Variants in SLC45A4 observed in about 807,000 individuals in gnomAD.
SLC45A4 encodes the protein polyamine-transporter SLC45A4.
Under a neutral mutation model 63.7 loss-of-function variants are expected in SLC45A4, and 32 were observed. That is an observed-to-expected ratio of 0.50 (90% confidence interval 0.38 to 0.67). SLC45A4 has a LOEUF of 0.67. Among genes scored for constraint, SLC45A4 ranks in the 30% least tolerant of loss-of-function variants. The probability of loss-of-function intolerance (pLI) is 0.00; values close to 1 mark genes in which losing one functional copy is unlikely to be tolerated. For missense variants in SLC45A4, 1,027 were observed against 1,157.7 expected, an observed-to-expected ratio of 0.89 and a Z score of 1.64; for synonymous variants, 535 against 510.0, an observed-to-expected ratio of 1.05 and a Z score of -0.66.
intron 1 of SLC45A4, among the ~76,000 whole-genome samples, chr8:141,263,489 C>T (rs1034506930): frequency 3.4e-4 from 51 of 151,658 alleles, no homozygotes; most frequent in Non-Finnish European, 5.7e-4. Context: ...GGGTCATGGC[C>T]GGGCGCAGTG....
At chr8:141,301,763 T>A (rs1206023159) in intron 1 of SLC45A4, among the ~76,000 whole-genome samples, 146 of 48,160 alleles carry the variant, frequency 3.0e-3, no homozygotes, top group Non-Finnish European at 4.0e-3. Flanking sequence ...AAAAAAAAAA[T>A]CCTGGGCAAC....
intron 1 of SLC45A4, among the ~76,000 whole-genome samples, chr8:141,293,925 T>TCTA (rs949900661): frequency 6.7e-6 from 1 of 148,950 alleles, no homozygotes; most frequent in African/African-American, 2.5e-5. Flanking sequence ...AGAGCGAGAC[T>TCTA]CTATCTCAAG....
At chr8:141,222,447 G>A (rs537728003) in intron 2 of SLC45A4, among the ~76,000 whole-genome samples, 5 of 152,302 alleles carry the variant, frequency 3.3e-5, no homozygotes, top group African/African-American at 1.2e-4. Flanking sequence ...ACCACCCAGG[G>A]AGGTAGGAAA....
chr8:141,215,893 C>T lies in SLC45A4; in HGVS notation c.1807G>A (p.Val603Ile), dbSNP rs772947728. The T allele has an allele frequency of 6.2e-7, 1 of 1,614,026 alleles. No homozygotes were observed. The highest frequency in any genetic ancestry group is 1.3e-5 in the African/African-American group (1 of 74,920). The change falls in exon 7 of 9, where the codon GTC becomes ATC. Residue 603 changes from valine to isoleucine, a missense_variant. Physicochemically the swap from Val to Ile is conservative, Grantham distance 29. Coordinates refer to ENST00000517878, the MANE Select transcript of SLC45A4 (RefSeq NM_001286646.2). This position sits in a 1 kb window ranked among gnomAD's most constrained non-coding sequence, Gnocchi z 4.3. Reference protein sequence around the residue: ...IYVLGTLGFSVGTAVMAMFPN... With the variant: ...IYVLGTLGFSIGTAVMAMFPN... ...AACATGGCCATCACGGCTGTGCCGACAGAGAAGCCCAGCGTCCCCAGCACG... is the reference window on the plus strand; with the variant it reads ...AACATGGCCATCACGGCTGTGCCGATAGAGAAGCCCAGCGTCCCCAGCACG...
rs746968778 is a variant in SLC45A4, at chr8:141,218,750, T to C, written c.890A>G (p.Tyr297Cys). ...GCTGCGCATGATGTCCACGTCCGGG[T>C]AGTCCAGGGCCAGCTCGTGCTCCGA... ...VQSEHELALDYPDVDIMRSKS... is the reference protein window; with the variant it reads ...VQSEHELALDCPDVDIMRSKS... The change falls in exon 5 of 9, where the codon TAC becomes TGC. Residue 297 changes from tyrosine to cysteine, a missense_variant. By Grantham distance (194) the Tyr-to-Cys change is radical. Transcript: ENST00000517878. The C allele has an allele frequency of 1.2e-6, 2 of 1,612,208 alleles. No homozygotes were observed. Among genetic ancestry groups the C allele is most frequent in the African/African-American group, 2.7e-5 (2 of 74,844 alleles).
At position 141,256,595 on chromosome 8, in the gene SLC45A4, TCC is replaced by T. The variant is rs1828797615; in HGVS notation, c.-400-1968_-400-1967del. ...GGAAGCCGTGCGCCTGGCTCTTACG[TCC>T]CAGCTCTTCCCTACATCTTCTTTCA... is the stretch of plus-strand genomic sequence containing the variant. On this transcript the variant is annotated intron_variant, in intron 1 of 8. Transcript: ENST00000517878. This position sits in a 1 kb window ranked among gnomAD's most constrained non-coding sequence, Gnocchi z 4.3. 2.2e-6 allele frequency: 1 copy of T among 456,128 alleles called. No homozygotes were observed. Among genetic ancestry groups the T allele is most frequent in the Non-Finnish European group, 4.4e-6 (1 of 226,954 alleles). The allele number at this position is 456,128 out of a possible 1,614,324, so 28.3% of individuals were successfully genotyped here.
At chr8:141,267,869 T>TA (rs1472465732) in intron 1 of SLC45A4, among the ~76,000 whole-genome samples, 1 of 151,734 alleles carries the variant, frequency 6.6e-6, no homozygotes, top group East Asian at 1.9e-4. Context: ...GGCAGAAATG[T>TA]AAAATGCAGC....
chr8:141,250,870 T>A (rs556232797), intron 2 of SLC45A4, among the ~76,000 whole-genome samples: 8 of 152,234 alleles, frequency 5.3e-5, no homozygotes, highest in African/African-American at 1.9e-4. Context: ...ACAAGTCTTA[T>A]GTAATAAATA....
chr8:141,268,153 G>A (rs934187188), intron 1 of SLC45A4, among the ~76,000 whole-genome samples: 1 of 152,222 alleles, frequency 6.6e-6, no homozygotes, highest in Non-Finnish European at 1.5e-5. Flanking sequence ...CTGACGCCAT[G>A]CACGAAAAGA....
At chr8:141,305,347 C>T (rs1336334046) in intron 1 of SLC45A4, among the ~76,000 whole-genome samples, 3 of 152,196 alleles carry the variant, frequency 2.0e-5, no homozygotes, top group Non-Finnish European at 2.9e-5. Flanking sequence ...GGCTGCTCTT[C>T]GGCTGGGAGG....
chr8:141,281,076 T>A (rs1485345702), intron 1 of SLC45A4, among the ~76,000 whole-genome samples: 1 of 152,238 alleles, frequency 6.6e-6, no homozygotes, highest in African/African-American at 2.4e-5. Flanking sequence ...TGGTGGCTCA[T>A]GCCTGTAATC....
chr8:141,211,981 T>C, intron 8 of SLC45A4: 1 of 1,288,724 alleles, frequency 7.8e-7, no homozygotes, highest in Non-Finnish European at 9.8e-7. Flanking sequence ...ATCGAAAAAG[T>C]GGTTAGTGTG....
chr8:141,292,300 C>CTG (rs1385807555), intron 1 of SLC45A4, among the ~76,000 whole-genome samples: 56 of 152,252 alleles, frequency 3.7e-4, no homozygotes, highest in Non-Finnish European at 7.6e-4. Context: ...ACGTGGCACA[C>CTG]TGGGCCCACT....
At chr8:141,233,175 C>T (rs1162962798) in intron 2 of SLC45A4, among the ~76,000 whole-genome samples, 1 of 152,204 alleles carries the variant, frequency 6.6e-6, no homozygotes, top group Non-Finnish European at 1.5e-5. Context: ...AAAATTTAAG[C>T]TGGCTCTCAG....
chr8:141,293,409 A>G (rs1830428740), intron 1 of SLC45A4, among the ~76,000 whole-genome samples: 1 of 152,278 alleles, frequency 6.6e-6, no homozygotes, highest in African/African-American at 2.4e-5. Context: ...AACCCAGATC[A>G]CGCCACTGCA....
chr8:141,234,393 T>C (rs374616048), intron 2 of SLC45A4, among the ~76,000 whole-genome samples: 12 of 152,358 alleles, frequency 7.9e-5, no homozygotes, highest in African/African-American at 2.6e-4. Flanking sequence ...GTGGGCTTCC[T>C]GGCCAGTGTG....
At chr8:141,225,321 T>TA (rs1377411752) in intron 2 of SLC45A4, 1 of 152,224 alleles carries the variant, frequency 6.6e-6, no homozygotes, top group African/African-American at 2.4e-5. Context: ...CCCCATCTCC[T>TA]AACTCCACCC....
intron 2 of SLC45A4, among the ~76,000 whole-genome samples, chr8:141,241,088 A>T (rs61107367): frequency 0.012 from 1,823 of 152,376 alleles, 35 homozygotes; most frequent in African/African-American, 0.039. Context: ...TATGGGACTC[A>T]GCCTGGGGCT....
At chr8:141,235,401 G>A (rs1827576587) in intron 2 of SLC45A4, among the ~76,000 whole-genome samples, 1 of 152,212 alleles carries the variant, frequency 6.6e-6, no homozygotes, top group South Asian at 2.1e-4. Context: ...GTTAAATCAT[G>A]CTCGGCTGTC....
Sources: allele counts gnomAD v4.1 joint callset (sites outside exome capture counted in the v4.1 genomes callset), GRCh38; gene constraint gnomAD v4.1.1; non-coding constraint Gnocchi (gnomAD v3.1); transcripts MANE v1.5; gene names NCBI Gene and HGNC (gene_info 2026-07-23, HGNC 2026-07-21).